MPHOSPH10: variants seen among roughly 807,000 people sequenced by gnomAD.
MPHOSPH10 encodes M-phase phosphoprotein 10.
In MPHOSPH10, 33 loss-of-function variants were observed where a neutral mutation model predicts 77.3. The ratio of observed to expected loss-of-function variants is 0.43; its 90% CI spans 0.32 to 0.57. The LOEUF (loss-of-function observed/expected upper bound fraction) is 0.57, where lower values mean the gene tolerates loss of function less well. MPHOSPH10 is among the 20% of genes least tolerant of loss of function. The pLI is 0.07. For synonymous variants in MPHOSPH10, 245 were observed against 268.0 expected, an observed-to-expected ratio of 0.91 and a Z score of 0.84; for missense variants, 708 against 780.1, an observed-to-expected ratio of 0.91 and a Z score of 1.10.
At chr2:71,142,568 T>A (rs1180734077) in intron 7 of MPHOSPH10, among the ~76,000 whole-genome samples, 1 of 152,226 alleles carries the variant, frequency 6.6e-6, no homozygotes, top group African/African-American at 2.4e-5. Flanking sequence ...GAAATGATGG[T>A]AAACAGCACA....
chr2:71,135,685 C>CTTTTCT (rs1172413894), intron 4 of MPHOSPH10, among the ~76,000 whole-genome samples: 104 of 148,878 alleles, frequency 7.0e-4, no homozygotes, highest in African/African-American at 2.2e-3. Context: ...CCACATATGT[C>CTTTTCT]TTTTCTTTTT....
intron 7 of MPHOSPH10, 115 bp from the exon 8 acceptor site, chr2:71,144,313 T>C (rs1673668062): frequency 5.1e-6 from 4 of 787,112 alleles, no homozygotes; most frequent in Non-Finnish European, 8.0e-6. Flanking sequence ...AATGTTTCTT[T>C]GTAGCTGAAG....
intron 1 of MPHOSPH10, 102 bp from the exon 2 acceptor site, chr2:71,132,796 C>G: frequency 7.1e-7 from 1 of 1,401,148 alleles, no homozygotes; most frequent in Non-Finnish European, 9.6e-7. Flanking sequence ...ATACTTCATT[C>G]AAATTTTATT....
rs1673547895 is a variant in MPHOSPH10, at chr2:71,138,696, A to T, written c.1240+65A>T. Reference sequence around the variant, plus strand: ...TTCCATGGTTCCATTTCATACAAAGATTTGGGGTGGTGTTTCTTTTCCCTC... The same window carrying T: ...TTCCATGGTTCCATTTCATACAAAGTTTTGGGGTGGTGTTTCTTTTCCCTC... On this transcript the variant is annotated intron_variant, in intron 5 of 10. Coordinates refer to ENST00000244230, the MANE Select transcript of MPHOSPH10 (RefSeq NM_005791.3). 3 of 1,601,396 alleles carry T rather than the reference A, an allele frequency of 1.9e-6. No individual in the cohort carries two copies. The East Asian group carries it at 6.7e-5, about 36-fold the overall frequency.
chr2:71,142,494 C>T (rs13407937), intron 7 of MPHOSPH10, among the ~76,000 whole-genome samples: 3 of 152,180 alleles, frequency 2.0e-5, no homozygotes, highest in African/African-American at 4.8e-5. Flanking sequence ...TAGAAGTCAA[C>T]AGCCAGTTCA....
At chr2:71,138,349 G>C in intron 4 of MPHOSPH10, 141 bp from the exon 5 acceptor site, 1 of 684,030 alleles carries the variant, frequency 1.5e-6, no homozygotes, top group East Asian at 2.8e-5. Flanking sequence ...GGAAGTCATC[G>C]ACAGAATAAA....
rs1321111877 is a variant in MPHOSPH10, at chr2:71,133,480, AGAT to A, written c.676_678del (p.Asp226del). On this transcript the variant is annotated inframe_deletion, in exon 2 of 11. Transcript: ENST00000244230. ...ACATAGAAAAAGAAGAGGAACGAAA[AGAT>A]GATAATGATGAGGAGGAGGAAGATA... is the stretch of plus-strand genomic sequence containing the variant. 1 of 1,613,928 alleles carries A rather than the reference AGAT, an allele frequency of 6.2e-7. No homozygotes were observed. Among genetic ancestry groups the A allele is most frequent in the Non-Finnish European group, 8.5e-7 (1 of 1,179,860 alleles).
Position 71,149,924 on chromosome 2 carries a change from A to G in MPHOSPH10, c.1955A>G (p.Asp652Gly). Residue 652 changes from aspartate (D) to glycine (G), a missense_variant, in exon 11 of 11, where the codon GAT becomes GGT. Physicochemically the swap from Asp to Gly is moderately conservative, Grantham distance 94 (BLOSUM62 -1). This residue lies in a region of MPHOSPH10 where 263 missense variants were observed against 320.0 expected (regional missense o/e 0.82). Coordinates refer to ENST00000244230, the MANE Select transcript of MPHOSPH10 (RefSeq NM_005791.3). ...SSQAFFSKLQ[D>G]QVKMQINDAK... is the part of the protein sequence containing the mutation. ...CAAGCATTCTTTTCTAAATTACAAG[A>G]TCAAGTAAAAATGCAAATCAATGAT... 1 of 1,578,862 alleles carries G rather than the reference A, an allele frequency of 6.3e-7. No homozygotes were observed. Among genetic ancestry groups the G allele is most frequent in the East Asian group, 2.3e-5 (1 of 44,302 alleles).
At chr2:71,136,330 A>G (rs1326272156) in intron 4 of MPHOSPH10, among the ~76,000 whole-genome samples, 1 of 152,176 alleles carries the variant, frequency 6.6e-6, no homozygotes, top group Non-Finnish European at 1.5e-5. Context: ...CCTGGGCAAC[A>G]GGGCAAAAGC....
At chr2:71,135,383 T>TAA (rs34973076) in intron 4 of MPHOSPH10, among the ~76,000 whole-genome samples, 29 of 137,374 alleles carry the variant, frequency 2.1e-4, no homozygotes, top group South Asian at 9.4e-4. Flanking sequence ...CCATCTCTAC[T>TAA]AAAAAAAAAA....
intron 1 of MPHOSPH10, among the ~76,000 whole-genome samples, chr2:71,131,514 C>T (rs1407514584): frequency 6.6e-6 from 1 of 152,212 alleles, no homozygotes; most frequent in African/African-American, 2.4e-5. Flanking sequence ...TCAAGCGCGT[C>T]TGTGTGAAGA....
At chr2:71,134,238 G>GACTTTCCTCTGGCTATCTT in intron 3 of MPHOSPH10, 133 bp downstream of exon 3, 1 of 909,658 alleles carries the variant, frequency 1.1e-6, no homozygotes, top group Non-Finnish European at 1.6e-6. Flanking sequence ...GATAGCCAGA[G>GACTTTCCTCTGGCTATCTT]GAAAGTCTCT....
intron 4 of MPHOSPH10, 89 bp downstream of exon 4, chr2:71,134,886 G>C (rs1673455876): frequency 1.8e-6 from 2 of 1,094,710 alleles, no homozygotes; most frequent in Non-Finnish European, 2.6e-6. Context: ...AAATATCTTG[G>C]CCAGGTGCAG....
intron 9 of MPHOSPH10, 167 bp from the exon 10 acceptor site, chr2:71,149,056 T>G: frequency 1.6e-6 from 1 of 640,840 alleles, no homozygotes; most frequent in Non-Finnish European, 2.8e-6. Context: ...TTTAAAGAGC[T>G]GAGTTACCAA....
intron 9 of MPHOSPH10, chr2:71,148,787 G>A (rs1673764011): frequency 5.3e-6 from 1 of 187,210 alleles, no homozygotes; most frequent in African/African-American, 2.4e-5. Flanking sequence ...CCTCACTAGA[G>A]AGATGTTTCC....
At chr2:71,132,378 A>C (rs1471033199) in intron 1 of MPHOSPH10, among the ~76,000 whole-genome samples, 2 of 151,816 alleles carry the variant, frequency 1.3e-5, no homozygotes, top group African/African-American at 2.4e-5. Flanking sequence ...CCTCCTTCAC[A>C]CTCTAGCCAT....
chr2:71,135,189 C>T (rs1673461634), intron 4 of MPHOSPH10, among the ~76,000 whole-genome samples: 1 of 151,690 alleles, frequency 6.6e-6, no homozygotes, highest in Admixed American at 6.6e-5. Flanking sequence ...AAAATCTTGC[C>T]ATATGGAAAG....
At chr2:71,131,055 C>A (rs1380416124) in intron 1 of MPHOSPH10, among the ~76,000 whole-genome samples, 1 of 152,156 alleles carries the variant, frequency 6.6e-6, no homozygotes, top group Non-Finnish European at 1.5e-5. Flanking sequence ...TTGGTTTCTC[C>A]TTCCTCCTAT....
intron 1 of MPHOSPH10, among the ~76,000 whole-genome samples, chr2:71,132,114 T>A (rs181022700): frequency 9.8e-5 from 15 of 152,320 alleles, no homozygotes; most frequent in African/African-American, 3.6e-4. Flanking sequence ...CAGTTCTACC[T>A]CCAAACTATA....
Sources: allele counts gnomAD v4.1 joint callset (sites outside exome capture counted in the v4.1 genomes callset), GRCh38; gene constraint gnomAD v4.1.1; regional missense constraint gnomAD v4.1.1; transcripts MANE v1.5; gene names NCBI Gene and HGNC (gene_info 2026-07-23, HGNC 2026-07-21).